Variants in MTUS2 observed in about 807,000 individuals in gnomAD.
MTUS2 encodes the protein microtubule associated scaffold protein 2.
In MTUS2, 40 loss-of-function variants were observed where a neutral mutation model predicts 114.1. That is an observed-to-expected ratio of 0.35 (90% CI 0.27 to 0.46). The LOEUF (loss-of-function observed/expected upper bound fraction) is 0.46, where lower values mean the gene tolerates loss of function less well. Among genes scored for constraint, MTUS2 ranks in the 20% least tolerant of loss-of-function variants. MTUS2 has a pLI of 1.00. For synonymous variants in MTUS2, 688 were observed against 672.0 expected (o/e 1.02, Z -0.37); for missense variants, 1,679 against 1,705.4 (o/e 0.98, Z 0.27).
chr13:29,302,899 A>C (rs7490741), intron 6 of MTUS2, among the ~76,000 whole-genome samples: 123,919 of 152,168 alleles, frequency 0.81, 50,919 homozygotes, highest in Admixed American at 0.88. Flanking sequence ...CAGGTACATG[A>C]AGGCTGGCAG....
chr13:29,372,987 A>G (rs940236665), intron 8 of MTUS2, among the ~76,000 whole-genome samples: 9 of 152,250 alleles, frequency 5.9e-5, no homozygotes, highest in Admixed American at 2.0e-4. Flanking sequence ...AGTTGAATTG[A>G]AAGTATCATA....
intron 5 of MTUS2, among the ~76,000 whole-genome samples, chr13:29,149,497 T>TTGCTG (rs1360878008): frequency 6.6e-6 from 1 of 152,220 alleles, no homozygotes; most frequent in Non-Finnish European, 1.5e-5. Context: ...TGATGATCTT[T>TTGCTG]TGCTGTGCAG....
chr13:29,211,008 G>C (rs1409895425), intron 5 of MTUS2, among the ~76,000 whole-genome samples: 1 of 152,144 alleles, frequency 6.6e-6, no homozygotes, highest in East Asian at 1.9e-4. Flanking sequence ...GGTTTCTTTG[G>C]TGATGGGCAG....
At chr13:29,012,729 C>G (rs1240178783) in intron 2 of MTUS2, among the ~76,000 whole-genome samples, 1 of 152,040 alleles carries the variant, frequency 6.6e-6, no homozygotes. Flanking sequence ...AAAAAATTAG[C>G]CGGGCATGGT....
At chr13:29,097,013 G>T (rs189088707) in intron 4 of MTUS2, among the ~76,000 whole-genome samples, 56 of 152,220 alleles carry the variant, frequency 3.7e-4, no homozygotes, top group African/African-American at 1.3e-3. Context: ...ATGTAATTCA[G>T]CCTCTACAAC....
At chr13:29,203,273 C>T (rs9508313) in intron 5 of MTUS2, among the ~76,000 whole-genome samples, 108,616 of 152,066 alleles carry the variant, frequency 0.71, 39,106 homozygotes, top group East Asian at 0.8. Flanking sequence ...AGGTGGGCTC[C>T]GCCCAGTTTG....
intron 2 of MTUS2, among the ~76,000 whole-genome samples, chr13:29,018,182 G>A (rs1300662087): frequency 6.6e-6 from 1 of 152,170 alleles, no homozygotes; most frequent in Non-Finnish European, 1.5e-5. Context: ...CAGGGCAAAT[G>A]TACTTTAAGT....
At chr13:29,220,448 A>G (rs1276323782) in intron 5 of MTUS2, among the ~76,000 whole-genome samples, 1 of 152,218 alleles carries the variant, frequency 6.6e-6, no homozygotes, top group Admixed American at 6.5e-5. Context: ...TTGGAGTTCA[A>G]GTAAGAGATA....
chr13:29,407,538 C>T (rs1179987379), intron 8 of MTUS2, among the ~76,000 whole-genome samples: 2 of 151,416 alleles, frequency 1.3e-5, no homozygotes, highest in East Asian at 2.0e-4. Context: ...AGTGCAATGG[C>T]GCGATCTTGG....
chr13:29,062,069 C>A (rs879646343), intron 4 of MTUS2, among the ~76,000 whole-genome samples: 11 of 152,176 alleles, frequency 7.2e-5, no homozygotes, highest in Non-Finnish European at 1.6e-4. Flanking sequence ...ACGCTAACCC[C>A]TGCCTCCAGG....
At chr13:29,498,170 CT>C (rs1882670650) in intron 13 of MTUS2, among the ~76,000 whole-genome samples, 1 of 152,216 alleles carries the variant, frequency 6.6e-6, no homozygotes, top group South Asian at 2.1e-4. Context: ...TGGAGTCAGA[CT>C]TGCCAGTGGT....
intron 8 of MTUS2, among the ~76,000 whole-genome samples, chr13:29,430,487 G>T (rs1876907486): frequency 6.6e-6 from 1 of 152,086 alleles, no homozygotes; most frequent in Admixed American, 6.5e-5. Flanking sequence ...GAAACTTCCA[G>T]TTCTATACAA....
chr13:29,482,641 C>G (rs1017782546), intron 10 of MTUS2, among the ~76,000 whole-genome samples: 1 of 152,202 alleles, frequency 6.6e-6, no homozygotes, highest in Non-Finnish European at 1.5e-5. Context: ...GCTTGCTTAT[C>G]TATCCATTGA....
At chr13:29,118,863 G>T (rs1891193926) in intron 5 of MTUS2, among the ~76,000 whole-genome samples, 1 of 152,202 alleles carries the variant, frequency 6.6e-6, no homozygotes, top group African/African-American at 2.4e-5. Flanking sequence ...TCCTCCCTGG[G>T]AAGTGAGGGA....
intron 2 of MTUS2, among the ~76,000 whole-genome samples, chr13:28,963,100 C>A (rs377262597): frequency 6.6e-6 from 1 of 152,090 alleles, no homozygotes; most frequent in African/African-American, 2.4e-5. Flanking sequence ...GCCTGTAATT[C>A]CAGCACTTTG....
At chr13:29,372,166 G>A (rs1414267377) in intron 8 of MTUS2, among the ~76,000 whole-genome samples, 3 of 151,098 alleles carry the variant, frequency 2.0e-5, no homozygotes, top group Non-Finnish European at 2.9e-5. Flanking sequence ...AAGACTTCAC[G>A]AGGGTCCCCT....
At chr13:29,174,128 G>GCCTTTCTTT (rs1271372590) in intron 5 of MTUS2, among the ~76,000 whole-genome samples, 3 of 152,116 alleles carry the variant, frequency 2.0e-5, no homozygotes, top group African/African-American at 7.2e-5. Context: ...CCTTAAATCA[G>GCCTTTCTTT]CCTTTCTTTA....
At chr13:29,111,347 G>T (rs1265864137) in intron 5 of MTUS2, among the ~76,000 whole-genome samples, 1 of 152,036 alleles carries the variant, frequency 6.6e-6, no homozygotes, top group Non-Finnish European at 1.5e-5. Context: ...GCTTTTTTCT[G>T]TAAAATGCAG....
intron 2 of MTUS2, among the ~76,000 whole-genome samples, chr13:28,879,595 T>A (rs1373594429): frequency 9.9e-5 from 15 of 152,194 alleles, no homozygotes; most frequent in Admixed American, 1.3e-4. Context: ...TTGAAAATAT[T>A]CTTGAAACAT....
Sources: allele counts gnomAD v4.1 joint callset (sites outside exome capture counted in the v4.1 genomes callset), GRCh38; gene constraint gnomAD v4.1.1; transcripts MANE v1.5; gene names NCBI Gene and HGNC (gene_info 2026-07-23, HGNC 2026-07-21).